The following ESRRB variants were observed in gnomAD, a reference collection of about 807,000 sequenced individuals.
The protein encoded by ESRRB is estrogen related receptor beta, also known as steroid hormone receptor ERR2.
Under a neutral mutation model 46.0 loss-of-function variants are expected in ESRRB, and 16 were observed. The ratio of observed to expected loss-of-function variants is 0.35; its 90% confidence interval spans 0.24 to 0.53. ESRRB has a LOEUF of 0.53. Among genes scored for constraint, ESRRB ranks in the 20% least tolerant of loss-of-function variants. ESRRB has a pLI of 0.93. For synonymous variants in ESRRB, 246 were observed against 259.6 expected, an observed-to-expected ratio of 0.95 and a Z score of 0.50; for missense variants, 488 against 607.4, an observed-to-expected ratio of 0.80 and a Z score of 2.07.
At chr14:76,462,419 C>G in intron 2 of ESRRB, 126 bp from the exon 3 acceptor site, 1 of 722,318 alleles carries the variant, frequency 1.4e-6, no homozygotes, top group Non-Finnish European at 2.4e-6. Flanking sequence ...AGAGCACCTG[C>G]TTTGAGAACA....
intron 2 of ESRRB, among the ~76,000 whole-genome samples, chr14:76,451,135 G>A (rs1338892133): frequency 6.6e-6 from 1 of 152,214 alleles, no homozygotes; most frequent in Non-Finnish European, 1.5e-5. Context: ...GGCAGCAAGA[G>A]AGGAGGGGGC....
rs565850811 is a variant in ESRRB, at chr14:76,339,744, C to T, written c.2+28828C>T. Among the ~76,000 whole-genome samples, 119 of 152,314 alleles carry T rather than the reference C, an allele frequency of 7.8e-4. 2 individuals are homozygous for T. The South Asian group carries it at 0.023, about 29-fold the overall frequency. ...GAGCAGCCCCCCACACTCACAAGCCCGGGGCAGGGGGCTCTCCCAGCTGCC... is the reference window on the plus strand; with the variant it reads ...GAGCAGCCCCCCACACTCACAAGCCTGGGGCAGGGGGCTCTCCCAGCTGCC... On this transcript the variant is annotated intron_variant, in intron 1 of 6. Transcript: ENST00000512784.
At chr14:76,474,558 C>T (rs921796143) in intron 3 of ESRRB, among the ~76,000 whole-genome samples, 4 of 152,216 alleles carry the variant, frequency 2.6e-5, no homozygotes, top group Non-Finnish European at 5.9e-5. Context: ...ATGCAATCAC[C>T]GGCCATGTAC....
At chr14:76,381,068 A>T (rs1374828655) in intron 1 of ESRRB, among the ~76,000 whole-genome samples, 2 of 152,176 alleles carry the variant, frequency 1.3e-5, no homozygotes, top group African/African-American at 4.8e-5. Context: ...CTCTGGGGAC[A>T]GTCACAGACA....
intron 1 of ESRRB, among the ~76,000 whole-genome samples, chr14:76,346,118 A>G (rs1595050846): frequency 6.6e-6 from 1 of 152,226 alleles, no homozygotes; most frequent in South Asian, 2.1e-4. Flanking sequence ...ACATGACCTC[A>G]TCTTGATTAC....
At chr14:76,401,087 C>A (rs560180569) in intron 1 of ESRRB, among the ~76,000 whole-genome samples, 8 of 152,180 alleles carry the variant, frequency 5.3e-5, no homozygotes, top group Non-Finnish European at 1.2e-4. Context: ...CCTACACTGT[C>A]CAATATTCAT....
intron 2 of ESRRB, among the ~76,000 whole-genome samples, chr14:76,459,182 G>A (rs113061770): frequency 2.6e-5 from 4 of 152,222 alleles, no homozygotes; most frequent in East Asian, 1.9e-4. Flanking sequence ...GTTTACCTCC[G>A]GGGTTGCTGG....
In ESRRB at chr14:76,462,430, C is replaced by T. The variant is rs115124424; in HGVS notation, c.461-115C>T. 1.6e-3 allele frequency: 1,175 copies of T among 756,886 alleles called. 15 individuals are homozygous for T. In the African/African-American group the frequency reaches 0.017, roughly 11 times the overall value. The allele number at this position is 756,886 out of a possible 1,614,324, so 46.9% of individuals were successfully genotyped here. On this transcript the variant is annotated intron_variant, in intron 2 of 6. Transcript: ENST00000644823. ...CCTCAGAGCACCTGCTTTGAGAACA[C>T]TAGGGGGGAGTGGCAGCTCTGGCAA...
intron 1 of ESRRB, among the ~76,000 whole-genome samples, chr14:76,415,082 G>A (rs748274371): frequency 2.2e-4 from 33 of 152,332 alleles, no homozygotes; most frequent in Middle Eastern, 3.4e-3. Flanking sequence ...GGACCCAGAC[G>A]TGAGCAAGTC....
chr14:76,448,837 A>G (rs1265432622), intron 2 of ESRRB, among the ~76,000 whole-genome samples: 1 of 150,172 alleles, frequency 6.7e-6, no homozygotes, highest in African/African-American at 2.5e-5. Context: ...ATGTCTGCTT[A>G]TAACAATATA....
Position 76,499,699 on chromosome 14 carries a change from T to G in ESRRB, c.*1241T>G. The G allele has an allele frequency of 1.4e-6, 1 of 707,722 alleles. No homozygotes were observed. Among genetic ancestry groups the G allele is most frequent in the East Asian group, 2.7e-5 (1 of 37,528 alleles). 43.8% of individuals were successfully genotyped at this position (707,722 alleles called of 1,614,324 possible). A position where few individuals can be genotyped will look rare whatever the true frequency, so the allele number is the denominator to read the frequency against. ...AGGACCCCTGCAGTCCCCCTGGCTG[T>G]GCCAGGTAACCAACCGTCTTGGTTT... is the stretch of plus-strand genomic sequence containing the variant. On this transcript the variant is annotated 3_prime_UTR_variant, in exon 7 of 7. Coordinates refer to ENST00000644823, the MANE Select transcript of ESRRB (RefSeq NM_001379180.1).
At chr14:76,483,798 A>G (rs1889899756) in intron 5 of ESRRB, among the ~76,000 whole-genome samples, 1 of 152,224 alleles carries the variant, frequency 6.6e-6, no homozygotes, top group Non-Finnish European at 1.5e-5. Context: ...AAAGGTGATT[A>G]CAGCAGACGA....
At chr14:76,451,140 G>T (rs1035913050) in intron 2 of ESRRB, among the ~76,000 whole-genome samples, 1 of 152,228 alleles carries the variant, frequency 6.6e-6, no homozygotes, top group African/African-American at 2.4e-5. Flanking sequence ...CAAGAGAGGA[G>T]GGGGCTCAGT....
At chr14:76,347,021 G>A (rs1457042644) in intron 1 of ESRRB, among the ~76,000 whole-genome samples, 1 of 152,184 alleles carries the variant, frequency 6.6e-6, no homozygotes, top group Non-Finnish European at 1.5e-5. Flanking sequence ...CCAAGGCTGG[G>A]ACCCAGATGC....
chr14:76,353,250 A>G (rs532997387), intron 1 of ESRRB, among the ~76,000 whole-genome samples: 23 of 152,286 alleles, frequency 1.5e-4, no homozygotes, highest in African/African-American at 5.5e-4. Context: ...TCTAACCTCA[A>G]AGGAGGGAGT....
At chr14:76,386,210 C>A (rs983306975) in intron 1 of ESRRB, among the ~76,000 whole-genome samples, 1 of 152,052 alleles carries the variant, frequency 6.6e-6, no homozygotes, top group Non-Finnish European at 1.5e-5. Flanking sequence ...TTCCTCTGAA[C>A]GAATCCCTAT....
chr14:76,337,580 G>A (rs890175295), intron 1 of ESRRB, among the ~76,000 whole-genome samples: 1 of 152,154 alleles, frequency 6.6e-6, no homozygotes, highest in Non-Finnish European at 1.5e-5. Flanking sequence ...GGGAAGGGCG[G>A]GTGCTTGACT....
chr14:76,327,459 G>A (rs568776297), intron 1 of ESRRB, among the ~76,000 whole-genome samples: 5 of 151,938 alleles, frequency 3.3e-5, no homozygotes, highest in Middle Eastern at 6.8e-3. Context: ...CTGACTTCCC[G>A]GAAAGGTATT....
chr14:76,371,799 C>T (rs1021327873), upstream of ESRRB, among the ~76,000 whole-genome samples: 4 of 152,204 alleles, frequency 2.6e-5, no homozygotes, highest in African/African-American at 9.6e-5. Context: ...AAGTCCTCTA[C>T]TCTCCTGGGG....
Sources: allele counts gnomAD v4.1 joint callset (sites outside exome capture counted in the v4.1 genomes callset), GRCh38; gene constraint gnomAD v4.1.1; transcripts MANE v1.5; gene names NCBI Gene and HGNC (gene_info 2026-07-23, HGNC 2026-07-21).